The following CNTN4 variants were observed in gnomAD, a reference collection of about 807,000 sequenced individuals.
CNTN4 encodes the protein contactin-4.
CNTN4 carries 77 observed loss-of-function variants against 122.5 expected under a neutral mutation model. The observed-to-expected ratio is 0.63, with a 90% confidence interval of 0.52 to 0.76. The LOEUF is 0.76. Among genes scored for constraint, CNTN4 ranks in the 30% least tolerant of loss-of-function variants. CNTN4 has a pLI of 0.00. For synonymous variants in CNTN4, 512 were observed against 447.0 expected (o/e 1.15, Z -1.83); for missense variants, 1,256 against 1,259.1 (o/e 1.00, Z 0.04).
At chr3:2,407,919 T>G (rs1227945521) in intron 3 of CNTN4, among the ~76,000 whole-genome samples, 2 of 152,216 alleles carry the variant, frequency 1.3e-5, no homozygotes, top group Non-Finnish European at 2.9e-5. Context: ...AATACACGTA[T>G]GTACATATCT....
intron 3 of CNTN4, among the ~76,000 whole-genome samples, chr3:2,413,258 A>G (rs1234142978): frequency 6.6e-6 from 1 of 152,198 alleles, no homozygotes; most frequent in African/African-American, 2.4e-5. Context: ...ACTACAAATA[A>G]TGAGATACTC....
At chr3:2,330,717 C>G (rs2043683343) in intron 2 of CNTN4, among the ~76,000 whole-genome samples, 1 of 152,250 alleles carries the variant, frequency 6.6e-6, no homozygotes, top group South Asian at 2.1e-4. Context: ...TCAATCATTA[C>G]TCTATGCTGT....
chr3:2,335,550 C>A (rs937732143), intron 2 of CNTN4, among the ~76,000 whole-genome samples: 1 of 149,108 alleles, frequency 6.7e-6, no homozygotes, highest in East Asian at 2.0e-4. Flanking sequence ...CCCTGTAAAG[C>A]AGCACAAAAG....
chr3:2,781,879 A>ACCT (rs1157086272), intron 6 of CNTN4, among the ~76,000 whole-genome samples: 1 of 117,170 alleles, frequency 8.5e-6, no homozygotes, highest in East Asian at 2.5e-4. Context: ...CGCCCGCACC[A>ACCT]CGCCCGGCTA....
chr3:2,750,366 C>A (rs551628422), intron 6 of CNTN4, among the ~76,000 whole-genome samples: 2 of 152,276 alleles, frequency 1.3e-5, no homozygotes, highest in South Asian at 4.1e-4. Context: ...TGTTTTCATG[C>A]TGCTTTTGTG....
chr3:2,638,490 A>G (rs2082762860), intron 4 of CNTN4, among the ~76,000 whole-genome samples: 1 of 151,734 alleles, frequency 6.6e-6, no homozygotes, highest in Non-Finnish European at 1.5e-5. Flanking sequence ...AGAAACATTT[A>G]TCTTTTTTTT....
chr3:2,808,507 A>G (rs1295883331), intron 6 of CNTN4, among the ~76,000 whole-genome samples: 2 of 152,132 alleles, frequency 1.3e-5, no homozygotes, highest in East Asian at 1.9e-4. Context: ...GCATAAGTCT[A>G]TCAGTTATAA....
At chr3:2,665,949 T>C (rs2084134599) in intron 4 of CNTN4, among the ~76,000 whole-genome samples, 1 of 152,202 alleles carries the variant, frequency 6.6e-6, no homozygotes, top group Non-Finnish European at 1.5e-5. Context: ...AGATTTTATC[T>C]CTTGGTAAAG....
Position 3,040,067 on chromosome 3 carries a change from G to A in CNTN4, c.2194G>A (p.Gly732Ser). 2 of 1,614,030 alleles carry A rather than the reference G, an allele frequency of 1.2e-6. No homozygotes were observed. The highest frequency in any genetic ancestry group is 1.7e-6 in the Non-Finnish European group (2 of 1,179,850). The change falls in exon 20 of 25, where the codon GGC (glycine) becomes AGC (serine). Residue 732 changes from glycine to serine, a missense_variant. Physicochemically the swap from Gly to Ser is moderately conservative, Grantham distance 56. Transcript: ENST00000418658. ...TVPEELQNGR[G>S]FGYVVAFRPY... ...CCCTGAGGAATTACAGAATGGTCGA[G>A]GCTTTGGTTATGTGGTGGCCTTCCG... is the stretch of plus-strand genomic sequence containing the variant.
chr3:2,527,441 G>T (rs1428443364), intron 3 of CNTN4, among the ~76,000 whole-genome samples: 52 of 152,324 alleles, frequency 3.4e-4, no homozygotes, highest in Non-Finnish European at 5.7e-4. Context: ...TGCTGTTGCT[G>T]TTATTGTTGC....
chr3:2,675,361 A>G (rs1300860570), intron 4 of CNTN4, among the ~76,000 whole-genome samples: 3 of 151,988 alleles, frequency 2.0e-5, no homozygotes, highest in Non-Finnish European at 4.4e-5. Flanking sequence ...AGACTTTAAC[A>G]TGCCTGACTC....
At position 2,204,922 on chromosome 3, in the gene CNTN4, A is replaced by G. The variant is rs551968334; in HGVS notation, c.-145+104283A>G. The stretch of plus-strand genomic sequence containing the variant: ...CTCATAATTATCAGTACAGAATCCT[A>G]TGAAATCTAATGCTTACTTTGAAAC... On this transcript the variant is annotated intron_variant, in intron 2 of 24. Coordinates refer to ENST00000418658, the MANE Select transcript of CNTN4 (RefSeq NM_175607.3). Among the ~76,000 whole-genome samples the G allele has an allele frequency of 4.9e-4, 75 of 152,328 alleles. 1 individual carries two copies. Among genetic ancestry groups the G allele is most frequent in the Middle Eastern group, 3.4e-3 (1 of 294 alleles).
chr3:2,346,061 A>AT (rs1398641046), intron 3 of CNTN4, among the ~76,000 whole-genome samples: 11 of 151,874 alleles, frequency 7.2e-5, no homozygotes, highest in African/African-American at 2.2e-4. Flanking sequence ...AGGGAATTGA[A>AT]TTTTTTTGCA....
chr3:2,718,285 T>A (rs2087626232), intron 4 of CNTN4, among the ~76,000 whole-genome samples: 1 of 152,190 alleles, frequency 6.6e-6, no homozygotes. Context: ...GCATACTGAT[T>A]TCTCTATGTT....
At chr3:2,445,054 G>A (rs968766266) in intron 3 of CNTN4, among the ~76,000 whole-genome samples, 4 of 150,196 alleles carry the variant, frequency 2.7e-5, no homozygotes, top group Non-Finnish European at 4.4e-5. Context: ...TGATTGGCTC[G>A]ACAGCTTGAA....
At chr3:2,752,743 C>T (rs2090155865) in intron 6 of CNTN4, among the ~76,000 whole-genome samples, 1 of 152,108 alleles carries the variant, frequency 6.6e-6, no homozygotes, top group Admixed American at 6.5e-5. Flanking sequence ...GTCTGTTAAC[C>T]AGTCTCTCCC....
chr3:2,968,989 T>G (rs1692606344), intron 13 of CNTN4, among the ~76,000 whole-genome samples: 1 of 152,210 alleles, frequency 6.6e-6, no homozygotes. Flanking sequence ...ATAATTTACA[T>G]TCCATAAAAT....
At chr3:2,552,358 TA>T (rs2078544411) in intron 3 of CNTN4, among the ~76,000 whole-genome samples, 2 of 152,232 alleles carry the variant, frequency 1.3e-5, no homozygotes, top group Admixed American at 1.3e-4. Flanking sequence ...AAAGAAAAGG[TA>T]AAAGAATAAA....
chr3:2,816,041 G>A (rs891292455), intron 6 of CNTN4, among the ~76,000 whole-genome samples: 1 of 152,022 alleles, frequency 6.6e-6, no homozygotes. Flanking sequence ...GCTAAGCTAT[G>A]AGGACGCAAA....
Sources: allele counts gnomAD v4.1 joint callset (sites outside exome capture counted in the v4.1 genomes callset), GRCh38; gene constraint gnomAD v4.1.1; transcripts MANE v1.5; gene names NCBI Gene and HGNC (gene_info 2026-07-23, HGNC 2026-07-21).